The following MAP4 variants were observed in gnomAD, a reference collection of about 807,000 sequenced individuals.
MAP4 encodes microtubule associated protein 4, also known as microtubule-associated protein 4.
A neutral mutation model predicts 170.2 loss-of-function variants in MAP4; 76 were observed. That is an observed-to-expected ratio of 0.45 (90% CI 0.37 to 0.54). The LOEUF (loss-of-function observed/expected upper bound fraction) is 0.54, where lower values mean the gene tolerates loss of function less well. Ranked by LOEUF, MAP4 falls within the 20% of genes least tolerant of loss-of-function variation. The pLI is 0.00. For synonymous variants in MAP4, 909 were observed against 994.5 expected (o/e 0.91, Z 1.62); for missense variants, 2,506 against 2,748.0 (o/e 0.91, Z 1.97).
At chr3:47,899,145 A>G (rs919961435) in intron 10 of MAP4, among the ~76,000 whole-genome samples, 9 of 152,126 alleles carry the variant, frequency 5.9e-5, no homozygotes, top group African/African-American at 1.9e-4. Flanking sequence ...TAAATACATG[A>G]AGTTTGAAAA....
At chr3:47,857,713 C>CA (rs1038128220) in intron 17 of MAP4, among the ~76,000 whole-genome samples, 2 of 145,728 alleles carry the variant, frequency 1.4e-5, no homozygotes, top group African/African-American at 5.0e-5. Context: ...TCTTCACTTC[C>CA]TTTTTTTTTT....
At chr3:48,045,980 ACTT>A (rs1012556787) in intron 1 of MAP4, among the ~76,000 whole-genome samples, 20 of 139,028 alleles carry the variant, frequency 1.4e-4, no homozygotes, top group South Asian at 2.2e-4. Context: ...TTCTTGCATC[ACTT>A]CTTTTTTTTT....
chr3:48,007,075 C>T (rs75741461), intron 1 of MAP4, among the ~76,000 whole-genome samples: 12 of 152,232 alleles, frequency 7.9e-5, no homozygotes, highest in Non-Finnish European at 1.6e-4. Flanking sequence ...AGATCTTGAT[C>T]GCTTTTCGCT....
chr3:47,910,768 C>A lies in MAP4; in HGVS notation c.3653G>T (p.Ser1218Ile). 2.0e-6 allele frequency: 3 copies of A among 1,536,068 alleles called. No individual in the cohort carries two copies. The highest frequency in any genetic ancestry group is 2.6e-6 in the Non-Finnish European group (3 of 1,146,884). The stretch of plus-strand genomic sequence containing the variant: ...GGAATAATTATTTTTAAACTTTTTG[C>A]TTTTGCCTTCATTGCCTCTCTTTTT... ...KPKKRGNEGK[S>I]KKFKNNYSTQ... The change falls in exon 9 of 21, where the codon AGC becomes ATC. Residue 1218 changes from serine (S) to isoleucine (I), a missense_variant. By Grantham distance (142) the Ser-to-Ile change is moderately radical. Coordinates refer to ENST00000683076, the MANE Select transcript of MAP4 (RefSeq NM_001385682.1).
rs933692166 is a variant in MAP4, at chr3:47,906,954, T to C, written c.5383+2084A>G. Among the ~76,000 whole-genome samples, 13 of 151,630 alleles carry C rather than the reference T, an allele frequency of 8.6e-5. No individual in the cohort carries two copies. In the East Asian group the frequency reaches 2.2e-3, roughly 25 times the overall value. On this transcript the variant is annotated intron_variant, in intron 9 of 20. Transcript: ENST00000683076. ...AGATTCAAGTGATTCTCCTGCCTCA[T>C]CCTCCCAAGTAGCTGGGATTACAGG...
chr3:47,965,166 C>T (rs997262740), intron 3 of MAP4, among the ~76,000 whole-genome samples: 1 of 152,112 alleles, frequency 6.6e-6, no homozygotes, highest in Admixed American at 6.6e-5. Flanking sequence ...ATTTTTGTGA[C>T]TGGCTTTTTT....
intron 11 of MAP4, among the ~76,000 whole-genome samples, chr3:47,876,374 G>C (rs1044196354): frequency 6.6e-6 from 1 of 152,032 alleles, no homozygotes; most frequent in Non-Finnish European, 1.5e-5. Flanking sequence ...CTTGTGATCT[G>C]CCCGCCTCGG....
At chr3:47,863,986 C>T (rs2074639676) in intron 17 of MAP4, among the ~76,000 whole-genome samples, 2 of 147,406 alleles carry the variant, frequency 1.4e-5, no homozygotes, top group East Asian at 2.0e-4. Flanking sequence ...AGCAGGTCCT[C>T]CTCCCTTTTT....
upstream of MAP4, among the ~76,000 whole-genome samples, chr3:48,020,843 A>C (rs962370809): frequency 2.6e-5 from 4 of 152,064 alleles, no homozygotes; most frequent in African/African-American, 9.7e-5. Context: ...GCTGGAGTGC[A>C]TTGGCTAGTC....
At chr3:48,051,126 A>ACT (rs2100127604) in intron 1 of MAP4, among the ~76,000 whole-genome samples, 1 of 150,214 alleles carries the variant, frequency 6.7e-6, no homozygotes, top group African/African-American at 2.4e-5. Flanking sequence ...ACACACACAC[A>ACT]CTTAGGCTGG....
chr3:47,975,367 T>C (rs2100081371), intron 3 of MAP4: 1 of 1,550,572 alleles, frequency 6.4e-7, no homozygotes, highest in African/African-American at 1.4e-5. Context: ...AAAGCAAAGC[T>C]CTGCAAAATG....
chr3:47,920,632 GC>G (rs769657868), intron 5 of MAP4, among the ~76,000 whole-genome samples: 4 of 147,994 alleles, frequency 2.7e-5, no homozygotes, highest in Non-Finnish European at 5.9e-5. Context: ...GCTCAATGCA[GC>G]CTCGACCTTC....
intron 1 of MAP4, among the ~76,000 whole-genome samples, chr3:48,024,641 C>A (rs2100112157): frequency 6.6e-6 from 1 of 152,224 alleles, no homozygotes; most frequent in African/African-American, 2.4e-5. Context: ...GCTAAACACT[C>A]ACACTATGAC....
intron 13 of MAP4, 89 bp from the exon 14 acceptor site, chr3:47,871,375 A>C: frequency 9.4e-7 from 1 of 1,061,024 alleles, no homozygotes; most frequent in Admixed American, 1.7e-5. Flanking sequence ...TTATTTAACA[A>C]TTACTGAATA....
chr3:48,005,503 T>G (rs895275175), intron 1 of MAP4, among the ~76,000 whole-genome samples: 1 of 152,192 alleles, frequency 6.6e-6, no homozygotes, highest in Non-Finnish European at 1.5e-5. Context: ...GCCCACTAAG[T>G]AGGGACTCTG....
intron 1 of MAP4, among the ~76,000 whole-genome samples, chr3:48,062,409 CTTGT>C (rs2100136129): frequency 6.9e-6 from 1 of 145,724 alleles, no homozygotes; most frequent in Non-Finnish European, 1.5e-5. Context: ...CCTTTGTTCA[CTTGT>C]TTATCTGCTG....
Position 47,871,871 on chromosome 3 carries a change from C to A in MAP4, c.5941+46G>T, listed in dbSNP as rs757582280. ...TATGGCTGGGGCAAAGCCAAGATCC[C>A]ATTTTCCCCTCCCTAGTTCCCATGG... On this transcript the variant is annotated intron_variant, in intron 13 of 20. Coordinates refer to ENST00000683076, the MANE Select transcript of MAP4 (RefSeq NM_001385682.1). 4 of 1,551,706 alleles carry A rather than the reference C, an allele frequency of 2.6e-6. No individual in the cohort carries two copies. In the East Asian group the frequency reaches 6.8e-5, roughly 26 times the overall value.
intron 5 of MAP4, 45 bp from the exon 6 acceptor site, chr3:47,918,886 A>G: frequency 6.5e-7 from 1 of 1,529,386 alleles, no homozygotes; most frequent in Non-Finnish European, 9.0e-7. Context: ...CTTAGTAAAC[A>G]TTGGAAACAA....
At chr3:48,047,384 G>A (rs1330822401) in intron 1 of MAP4, among the ~76,000 whole-genome samples, 1 of 151,784 alleles carries the variant, frequency 6.6e-6, no homozygotes, top group African/African-American at 2.4e-5. Flanking sequence ...ATCTGACTCC[G>A]GTCAGCATAA....
Sources: gnomAD v4.1 joint callset for allele counts (sites outside exome capture counted in the v4.1 genomes callset) on GRCh38, gnomAD v4.1.1 for gene constraint, MANE v1.5 for transcripts, NCBI Gene and HGNC (gene_info 2026-07-23, HGNC 2026-07-21) for gene names.